TMTC1: variants seen among roughly 807,000 people sequenced by gnomAD.
TMTC1 encodes protein O-mannosyl-transferase TMTC1.
A neutral mutation model predicts 104.8 loss-of-function variants in TMTC1; 73 were observed. The observed-to-expected ratio is 0.70, with a 90% CI of 0.58 to 0.85. The LOEUF (loss-of-function observed/expected upper bound fraction) is 0.85. Ranked by LOEUF, TMTC1 falls within the 40% of genes least tolerant of loss-of-function variation. The probability of loss-of-function intolerance (pLI) is 0.00; values close to 1 mark genes in which losing one functional copy is unlikely to be tolerated. For synonymous variants in TMTC1, 434 were observed against 428.7 expected, an observed-to-expected ratio of 1.01 and a Z score of -0.15; for missense variants, 1,035 against 1,096.1, an observed-to-expected ratio of 0.94 and a Z score of 0.79.
chr12:29,668,117 A>G (rs75081776), intron 5 of TMTC1, among the ~76,000 whole-genome samples: 3,494 of 152,336 alleles, frequency 0.023, 79 homozygotes, highest in Admixed American at 0.052. Flanking sequence ...TAACAACACA[A>G]TGACTTCTGT....
chr12:29,693,137 A>G (rs1229514337), intron 5 of TMTC1, among the ~76,000 whole-genome samples: 1 of 145,194 alleles, frequency 6.9e-6, no homozygotes, highest in Non-Finnish European at 1.5e-5. Context: ...TAATAATTAT[A>G]AATATTTATG....
chr12:29,701,045 G>A (rs1402885549), intron 5 of TMTC1, among the ~76,000 whole-genome samples: 1 of 131,418 alleles, frequency 7.6e-6, no homozygotes, highest in Non-Finnish European at 1.6e-5. Context: ...TTTTTTTTCT[G>A]AGATTCTTCC....
chr12:29,661,313 C>T (rs1454459090), intron 5 of TMTC1: 10 of 949,042 alleles, frequency 1.1e-5, no homozygotes, highest in Non-Finnish European at 1.1e-5. Flanking sequence ...AGTTTATTTA[C>T]CTACTTAATA....
chr12:29,728,461 C>T (rs979411774), intron 5 of TMTC1, among the ~76,000 whole-genome samples: 2 of 152,122 alleles, frequency 1.3e-5, no homozygotes, highest in Non-Finnish European at 2.9e-5. Context: ...CAAGCTCGAA[C>T]AGACCTTAAA....
In TMTC1 at chr12:29,637,085, A is replaced by AACACACAC. The variant is rs200543052; in HGVS notation, c.939-3757_939-3750dup. Among the ~76,000 whole-genome samples, 143 of 47,680 alleles carry AACACACAC rather than the reference A, an allele frequency of 3.0e-3. 1 individual carries two copies. The highest frequency in any genetic ancestry group is 0.025 in the East Asian group (74 of 2,976). The allele number at this position is 47,680 out of a possible 152,430, so 31.3% of individuals were successfully genotyped here. A position where few individuals can be genotyped will look rare whatever the true frequency, so the allele number is the denominator to read the frequency against. ...CAAAATGAAACGAAACAAAATGAGAAACACACACACACACACACACACACA... is the reference window on the plus strand; with the variant it reads ...CAAAATGAAACGAAACAAAATGAGAAACACACACACACACACACACACACACACACACA... On this transcript the variant is annotated intron_variant, in intron 5 of 17. Coordinates refer to ENST00000539277, the MANE Select transcript of TMTC1 (RefSeq NM_001193451.2).
In TMTC1 at chr12:29,583,588, T is replaced by A. The variant is rs1946043767; in HGVS notation, c.1251-14A>T. The A allele has an allele frequency of 6.2e-7, 1 of 1,609,618 alleles. No homozygotes were observed. Among genetic ancestry groups the A allele is most frequent in the African/African-American group, 1.3e-5 (1 of 74,798 alleles). On this transcript the variant is annotated splice_polypyrimidine_tract_variant and intron_variant, in intron 7 of 17. Coordinates refer to ENST00000539277, the MANE Select transcript of TMTC1 (RefSeq NM_001193451.2). ...CAGTAGCCCATGCTGGAAAACAGGG[T>A]GGAAGGAACGGGATTACTTTGGGGG...
intron 1 of TMTC1, among the ~76,000 whole-genome samples, chr12:29,774,001 C>A (rs1943651604): frequency 1.4e-5 from 2 of 140,634 alleles, no homozygotes. Flanking sequence ...ATCTGGCCCT[C>A]TCTGGGAATA....
chr12:29,722,874 T>C (rs1216890051), intron 5 of TMTC1, among the ~76,000 whole-genome samples: 1 of 141,670 alleles, frequency 7.1e-6, no homozygotes, highest in African/African-American at 2.6e-5. Context: ...TGAGCTGAGA[T>C]CGCACCATTG....
intron 5 of TMTC1, among the ~76,000 whole-genome samples, chr12:29,668,306 G>A (rs1435680950): frequency 6.6e-6 from 1 of 152,130 alleles, no homozygotes; most frequent in African/African-American, 2.4e-5. Context: ...AGAAAAGCAA[G>A]AGACATAAAC....
chr12:29,679,240 T>C (rs1024402551), intron 5 of TMTC1, among the ~76,000 whole-genome samples: 3 of 152,126 alleles, frequency 2.0e-5, no homozygotes, highest in Admixed American at 1.3e-4. Flanking sequence ...TGTATATATG[T>C]ACAACAACAG....
chr12:29,632,840 A>G (rs1353471181), intron 6 of TMTC1, among the ~76,000 whole-genome samples: 6 of 152,164 alleles, frequency 3.9e-5, no homozygotes, highest in African/African-American at 1.4e-4. Context: ...AGCATTTATA[A>G]ATAGGTTATT....
chr12:29,661,097 A>C (rs73269868), intron 5 of TMTC1, among the ~76,000 whole-genome samples: 2,552 of 152,196 alleles, frequency 0.017, 65 homozygotes, highest in African/African-American at 0.057. Context: ...ACCTCTTTGC[A>C]CATCTATTTT....
chr12:29,585,256 T>C (rs899220406), intron 7 of TMTC1, among the ~76,000 whole-genome samples: 7 of 152,258 alleles, frequency 4.6e-5, no homozygotes, highest in African/African-American at 1.7e-4. Flanking sequence ...AAGTACCTGT[T>C]CATATCCTTT....
chr12:29,673,735 G>C (rs1940606420), intron 5 of TMTC1, among the ~76,000 whole-genome samples: 1 of 141,936 alleles, frequency 7.0e-6, no homozygotes, highest in South Asian at 2.3e-4. Flanking sequence ...ATGGCTGCCA[G>C]AGGGACTTCT....
intron 1 of TMTC1, among the ~76,000 whole-genome samples, chr12:29,779,203 A>G (rs990670618): frequency 3.9e-5 from 6 of 152,224 alleles, no homozygotes; most frequent in African/African-American, 1.4e-4. Context: ...ACAAACTGCA[A>G]GAGGCCTGGC....
chr12:29,695,955 G>A (rs1941412548), intron 5 of TMTC1, among the ~76,000 whole-genome samples: 1 of 151,478 alleles, frequency 6.6e-6, no homozygotes, highest in Non-Finnish European at 1.5e-5. Flanking sequence ...TGAACCAGCT[G>A]CATATTATGT....
intron 5 of TMTC1, among the ~76,000 whole-genome samples, chr12:29,711,095 G>C (rs534520793): frequency 6.6e-6 from 1 of 150,652 alleles, no homozygotes; most frequent in African/African-American, 2.4e-5. Context: ...CGATCCTCTT[G>C]TCTCGACCTC....
At chr12:29,533,459 C>A (rs1459786984) in intron 11 of TMTC1, 5 of 152,130 alleles carry the variant, frequency 3.3e-5, no homozygotes, top group Non-Finnish European at 7.4e-5. Context: ...AGCCTTACAT[C>A]AGGGGAAGGA....
At chr12:29,566,039 G>T (rs1490248476) in intron 9 of TMTC1, among the ~76,000 whole-genome samples, 1 of 152,160 alleles carries the variant, frequency 6.6e-6, no homozygotes, top group Non-Finnish European at 1.5e-5. Context: ...GGTGAGTAGA[G>T]CGGAGGGTGA....
Sources: gnomAD v4.1 joint callset for allele counts (sites outside exome capture counted in the v4.1 genomes callset) on GRCh38, gnomAD v4.1.1 for gene constraint, MANE v1.5 for transcripts, NCBI Gene and HGNC (gene_info 2026-07-23, HGNC 2026-07-21) for gene names.